CNTNAP3: variants seen among roughly 807,000 people sequenced by gnomAD.
CNTNAP3 encodes contactin-associated protein-like 3.
A neutral mutation model predicts 92.1 loss-of-function variants in CNTNAP3; 36 were observed. That is an observed-to-expected ratio of 0.39 (90% CI 0.30 to 0.52). The LOEUF (loss-of-function observed/expected upper bound fraction) is 0.52, where lower values mean the gene tolerates loss of function less well. Ranked by LOEUF, CNTNAP3 falls within the 20% of genes least tolerant of loss-of-function variation. The probability of loss-of-function intolerance (pLI) is 0.76; values close to 1 mark genes in which losing one functional copy is unlikely to be tolerated. For missense variants in CNTNAP3, 534 were observed against 1,069.6 expected, an observed-to-expected ratio of 0.50 and a Z score of 6.98; for synonymous variants, 232 against 422.3, an observed-to-expected ratio of 0.55 and a Z score of 5.53.
intron 14 of CNTNAP3, among the ~76,000 whole-genome samples, chr9:39,116,083 C>T (rs1195399317): frequency 1.3e-4 from 20 of 151,224 alleles, no homozygotes; most frequent in South Asian, 2.1e-4. Flanking sequence ...ATCCGGGAGG[C>T]GCAGGTTGCA....
At chr9:39,083,137 C>T (rs1156821182) in intron 21 of CNTNAP3, among the ~76,000 whole-genome samples, 1 of 152,058 alleles carries the variant, frequency 6.6e-6, no homozygotes, top group East Asian at 1.9e-4. Context: ...TATTTAATTA[C>T]CAAAACTATT....
At chr9:39,111,036 A>C (rs1826735901) in intron 14 of CNTNAP3, among the ~76,000 whole-genome samples, 2 of 152,164 alleles carry the variant, frequency 1.3e-5, no homozygotes, top group Non-Finnish European at 2.9e-5. Flanking sequence ...AGGCTTTCTG[A>C]ATTAAAAAAA....
rs534840446 is a variant in CNTNAP3 at position 39,122,984 on chromosome 9, G to A, written c.2081-4725C>T. Among the ~76,000 whole-genome samples, 354 of 152,038 alleles carry A rather than the reference G, an allele frequency of 2.3e-3. 1 individual carries two copies. Among genetic ancestry groups the A allele is most frequent in the African/African-American group, 8.2e-3 (340 of 41,466 alleles). ...AAGTCTGGGAAGACTGGGAAGTGCT[G>A]AGGAAAGAATCAGTGAGTTTGAAGA... On this transcript the variant is annotated intron_variant, in intron 13 of 23. Transcript: ENST00000297668.
At chr9:39,101,127 G>A (rs1423493334) in intron 17 of CNTNAP3, among the ~76,000 whole-genome samples, 5 of 148,612 alleles carry the variant, frequency 3.4e-5, no homozygotes, top group Non-Finnish European at 6.0e-5. Flanking sequence ...ACCCCTCCGT[G>A]TAGTCCTCCT....
intron 15 of CNTNAP3, among the ~76,000 whole-genome samples, chr9:39,105,271 C>CA (rs538656518): frequency 3.0e-3 from 449 of 152,116 alleles, no homozygotes; most frequent in Non-Finnish European, 4.5e-3. Context: ...ACTAAAAATA[C>CA]AAAAAATTAG....
At chr9:39,112,163 G>C (rs956334173) in intron 14 of CNTNAP3, among the ~76,000 whole-genome samples, 2 of 151,274 alleles carry the variant, frequency 1.3e-5, no homozygotes, top group Non-Finnish European at 2.9e-5. Context: ...AAGACTTTTT[G>C]CTTTTATTTT....
At chr9:39,109,873 C>T (rs1471904999) in intron 14 of CNTNAP3, among the ~76,000 whole-genome samples, 1 of 152,012 alleles carries the variant, frequency 6.6e-6, no homozygotes, top group South Asian at 2.1e-4. Context: ...TTATTCATTA[C>T]AAATAAAAAT....
intron 10 of CNTNAP3, 103 bp from the exon 11 acceptor site, chr9:39,144,449 C>A: frequency 6.8e-7 from 1 of 1,480,700 alleles, no homozygotes; most frequent in Non-Finnish European, 9.0e-7. Context: ...TGTGAAAGAG[C>A]AGCATATGCA....
intron 12 of CNTNAP3, among the ~76,000 whole-genome samples, 158 bp downstream of exon 12, chr9:39,140,361 C>T (rs1327016233): frequency 3.3e-5 from 5 of 152,060 alleles, no homozygotes; most frequent in Non-Finnish European, 7.4e-5. Context: ...ACAAGAAATA[C>T]AAGAAAATTT....
chr9:39,069,927 TTACAC>T lies in CNTNAP3; in HGVS notation c.*3958_*3962del, dbSNP rs1197572384. Among the ~76,000 whole-genome samples the T allele has an allele frequency of 1.3e-5, 2 of 152,046 alleles. No homozygotes were observed. The highest frequency in any genetic ancestry group is 4.8e-5 in the African/African-American group (2 of 41,436). ...TTTAATTAAAAAATTGGTTCTCTCTTTACACATAATTGCCAAAACAGTGTTTACAA... is the reference window on the plus strand; with the variant it reads ...TTTAATTAAAAAATTGGTTCTCTCTTATAATTGCCAAAACAGTGTTTACAA... On this transcript the variant is annotated 3_prime_UTR_variant, in exon 24 of 24. Coordinates refer to ENST00000297668, the MANE Select transcript of CNTNAP3 (RefSeq NM_033655.5).
At chr9:39,248,533 A>G (rs1822784551) in intron 2 of CNTNAP3, among the ~76,000 whole-genome samples, 1 of 40,628 alleles carries the variant, frequency 2.5e-5, no homozygotes, top group South Asian at 9.7e-4. Flanking sequence ...GAATATATAT[A>G]TATATATATA....
chr9:39,108,731 T>C (rs1170938912), intron 15 of CNTNAP3, among the ~76,000 whole-genome samples: 1 of 152,104 alleles, frequency 6.6e-6, no homozygotes, highest in Admixed American at 6.5e-5. Flanking sequence ...AAGAGATTAA[T>C]ACACATTCGG....
At chr9:39,152,869 T>C (rs888646268) in intron 9 of CNTNAP3, among the ~76,000 whole-genome samples, 1 of 99,726 alleles carries the variant, frequency 1.0e-5, no homozygotes, top group Non-Finnish European at 1.9e-5. Flanking sequence ...GGTTTCACCA[T>C]ATTAGCCAGG....
At chr9:39,096,131 TA>T (rs1826320983) in intron 18 of CNTNAP3, among the ~76,000 whole-genome samples, 1 of 113,642 alleles carries the variant, frequency 8.8e-6, no homozygotes, top group African/African-American at 3.2e-5. Context: ...ATATATACAT[TA>T]TATATTTGTA....
chr9:39,137,899 G>T, intron 12 of CNTNAP3, among the ~76,000 whole-genome samples: 1 of 151,610 alleles, frequency 6.6e-6, no homozygotes, highest in African/African-American at 2.4e-5. Context: ...TTTCTCTGTT[G>T]CCCAGGCTAG....
intron 12 of CNTNAP3, among the ~76,000 whole-genome samples, chr9:39,136,173 AGTT>A (rs1461533024): frequency 6.6e-6 from 1 of 150,888 alleles, no homozygotes; most frequent in African/African-American, 2.4e-5. Flanking sequence ...TAAAAATAAT[AGTT>A]GTATGGGTAC....
At chr9:39,104,487 C>T (rs1826550338) in intron 15 of CNTNAP3, among the ~76,000 whole-genome samples, 1 of 132,876 alleles carries the variant, frequency 7.5e-6, no homozygotes, top group African/African-American at 2.6e-5. Flanking sequence ...TACACACACA[C>T]ACACACACAC....
At chr9:39,115,082 G>T (rs1258569165) in intron 14 of CNTNAP3, among the ~76,000 whole-genome samples, 1 of 151,560 alleles carries the variant, frequency 6.6e-6, no homozygotes, top group African/African-American at 2.4e-5. Flanking sequence ...CTGTGCCTGA[G>T]GAACTGTCTG....
intron 14 of CNTNAP3, among the ~76,000 whole-genome samples, chr9:39,116,764 T>C (rs1220375483): frequency 1.3e-5 from 2 of 152,166 alleles, no homozygotes; most frequent in South Asian, 4.1e-4. Context: ...ATGTATAGTA[T>C]GTATTCTATA....
Sources: gnomAD v4.1 joint callset for allele counts (sites outside exome capture counted in the v4.1 genomes callset) on GRCh38, gnomAD v4.1.1 for gene constraint, MANE v1.5 for transcripts, NCBI Gene and HGNC (gene_info 2026-07-23, HGNC 2026-07-21) for gene names.